ATXN2: variants seen among roughly 807,000 people sequenced by gnomAD.
The protein encoded by ATXN2 is ataxin 2.
Under a neutral mutation model 138.6 loss-of-function variants are expected in ATXN2, and 37 were observed. The observed-to-expected ratio is 0.27, with a 90% CI of 0.21 to 0.35. The LOEUF (loss-of-function observed/expected upper bound fraction) is 0.35, where lower values mean the gene tolerates loss of function less well. Ranked by LOEUF, ATXN2 falls within the 10% of genes least tolerant of loss-of-function variation. The pLI, the probability that ATXN2 is intolerant of heterozygous loss-of-function variation, is 1.00. For missense variants in ATXN2, 1,216 were observed against 1,480.3 expected, an observed-to-expected ratio of 0.82 and a Z score of 2.93; for synonymous variants, 549 against 543.7, an observed-to-expected ratio of 1.01 and a Z score of -0.13.
chr12:111,573,534 T>C (rs867001987), intron 1 of ATXN2, among the ~76,000 whole-genome samples: 1 of 152,316 alleles, frequency 6.6e-6, no homozygotes, highest in East Asian at 1.9e-4. Context: ...CATATCTCTA[T>C]ATTAGAAGCA....
chr12:111,532,340 C>T (rs1401821023), intron 5 of ATXN2, among the ~76,000 whole-genome samples: 3 of 149,638 alleles, frequency 2.0e-5, no homozygotes, highest in African/African-American at 2.5e-5. Flanking sequence ...ATTAGCTAGG[C>T]GTGGTGGTGT....
Position 111,453,254 on chromosome 12 carries a change from C to T in ATXN2, c.3440-414G>A. 1.9e-6 allele frequency: 2 copies of T among 1,063,896 alleles called. No homozygotes were observed. Among genetic ancestry groups the T allele is most frequent in the South Asian group, 7.8e-5 (2 of 25,492 alleles). The allele number at this position is 1,063,896 out of a possible 1,614,324, so 65.9% of individuals were successfully genotyped here. A position where few individuals can be genotyped will look rare whatever the true frequency, so the allele number is the denominator to read the frequency against. On this transcript the variant is annotated intron_variant, in intron 24 of 24. Transcript: ENST00000673436. The surrounding 1 kb of genome is among the most constrained non-coding windows in gnomAD (Gnocchi z 5.4). The stretch of plus-strand genomic sequence containing the variant: ...CTGGGGCTAACGCTACACTCAAAGC[C>T]AGTCCATCCACAGCGCTTTCTCAGC...
chr12:111,574,439 C>T (rs1371596703), intron 1 of ATXN2, among the ~76,000 whole-genome samples: 4 of 148,428 alleles, frequency 2.7e-5, no homozygotes, highest in African/African-American at 7.4e-5. Flanking sequence ...TTTTTTTTGG[C>T]GGTGGGGGGA....
At chr12:111,595,640 CAA>C (rs35562762) in intron 1 of ATXN2, among the ~76,000 whole-genome samples, 11 of 79,536 alleles carry the variant, frequency 1.4e-4, no homozygotes, top group Admixed American at 2.5e-4. Context: ...GACTCTGTCT[CAA>C]AAAAAAAAAA....
chr12:111,599,247 C>T lies in ATXN2; in HGVS notation c.-213G>A, dbSNP rs1885134947. On this transcript the variant is annotated 5_prime_UTR_variant, in exon 1 of 25. Coordinates refer to ENST00000673436, the MANE Select transcript of ATXN2 (RefSeq NM_001372574.1). ...CCGAGACCAAGGAGCCGCCGGGAGC[C>T]GGGCCGAAACGCGCCGCCGCCGTTG... The T allele has an allele frequency of 1.8e-6, 2 of 1,118,074 alleles. No homozygotes were observed. Among genetic ancestry groups the T allele is most frequent in the East Asian group, 5.3e-5 (1 of 18,982 alleles). 69.3% of individuals were successfully genotyped at this position (1,118,074 alleles called of 1,614,324 possible). A position where few individuals can be genotyped will look rare whatever the true frequency, so the allele number is the denominator to read the frequency against.
intron 5 of ATXN2, among the ~76,000 whole-genome samples, chr12:111,535,986 C>T (rs1482465537): frequency 2.2e-5 from 3 of 133,610 alleles, no homozygotes; most frequent in Admixed American, 1.6e-4. Flanking sequence ...GGCGACAGAG[C>T]GAGACTCCGT....
At chr12:111,538,982 G>T (rs558387213) in intron 5 of ATXN2, among the ~76,000 whole-genome samples, 1 of 149,958 alleles carries the variant, frequency 6.7e-6, no homozygotes, top group African/African-American at 2.4e-5. Flanking sequence ...CAGATTCCAC[G>T]TACGTAATAC....
intron 1 of ATXN2, among the ~76,000 whole-genome samples, chr12:111,576,546 C>T (rs542633304): frequency 6.6e-6 from 1 of 152,150 alleles, no homozygotes; most frequent in East Asian, 1.9e-4. Flanking sequence ...TACAGTGGCA[C>T]GATCTCTGCT....
chr12:111,491,069 T>C (rs763827191), intron 14 of ATXN2, among the ~76,000 whole-genome samples: 1 of 152,144 alleles, frequency 6.6e-6, no homozygotes, highest in South Asian at 2.1e-4. Context: ...CTGACCAACA[T>C]GGAGAAACCT....
At chr12:111,562,655 G>A (rs189645043) in intron 1 of ATXN2, among the ~76,000 whole-genome samples, 189 of 148,426 alleles carry the variant, frequency 1.3e-3, no homozygotes, top group Non-Finnish European at 1.5e-3. Flanking sequence ...GGGAGGCAGA[G>A]GTTGCAGTGA....
intron 23 of ATXN2, 137 bp downstream of exon 23, chr12:111,455,892 T>G: frequency 1.2e-6 from 1 of 835,236 alleles, no homozygotes; most frequent in Non-Finnish European, 2.1e-6. Context: ...CCAGATCACG[T>G]GTATTTGAGA....
rs1349759771 is a variant in ATXN2 at position 111,566,438 on chromosome 12, C to CA, written c.252-10520dup. Among the ~76,000 whole-genome samples, 49 of 97,558 alleles carry CA rather than the reference C, an allele frequency of 5.0e-4. No homozygotes were observed. In the East Asian group the frequency reaches 0.021, roughly 41 times the overall value. 64.0% of individuals were successfully genotyped at this position (97,558 alleles called of 152,430 possible). A position where few individuals can be genotyped will look rare whatever the true frequency, so the allele number is the denominator to read the frequency against. On this transcript the variant is annotated intron_variant, in intron 1 of 24. Coordinates refer to ENST00000673436, the MANE Select transcript of ATXN2 (RefSeq NM_001372574.1). ...GACAAGAGCAAAAAAAACTCCATCT[C>CA]AAAAAAAAAGAAAAAAAAAAAAAGA... is the stretch of plus-strand genomic sequence containing the variant.
chr12:111,526,893 C>T (rs1298372201), intron 5 of ATXN2, among the ~76,000 whole-genome samples: 1 of 152,178 alleles, frequency 6.6e-6, no homozygotes, highest in African/African-American at 2.4e-5. Context: ...CCAGAACCCA[C>T]TTCTTCATAT....
intron 18 of ATXN2, among the ~76,000 whole-genome samples, chr12:111,480,464 C>T (rs1877147530): frequency 1.3e-5 from 2 of 152,176 alleles, no homozygotes; most frequent in Non-Finnish European, 2.9e-5. Flanking sequence ...ATCACGAGAT[C>T]AGGAGTTCGA....
At chr12:111,470,296 A>G in intron 19 of ATXN2, 56 bp from the exon 20 acceptor site, 1 of 1,574,200 alleles carries the variant, frequency 6.4e-7, no homozygotes, top group Non-Finnish European at 8.6e-7. Flanking sequence ...AGAGCCAAGC[A>G]GACTTTAGTT....
intron 1 of ATXN2, among the ~76,000 whole-genome samples, chr12:111,596,920 T>C (rs1884966224): frequency 6.6e-6 from 1 of 151,014 alleles, no homozygotes; most frequent in South Asian, 2.1e-4. Context: ...AACCTTAGTT[T>C]TAATGTTTAT....
At chr12:111,595,780 G>A (rs946015737) in intron 1 of ATXN2, among the ~76,000 whole-genome samples, 1 of 151,982 alleles carries the variant, frequency 6.6e-6, no homozygotes, top group African/African-American at 2.4e-5. Context: ...TGATGGTTGG[G>A]GGCAGTGGCT....
chr12:111,522,103 G>A (rs948519008), intron 6 of ATXN2, among the ~76,000 whole-genome samples: 29 of 152,014 alleles, frequency 1.9e-4, no homozygotes, highest in Admixed American at 1.8e-3. Context: ...GTCCTCCTGT[G>A]CTACTCCAGG....
At chr12:111,539,068 GT>G (rs1175381110) in intron 5 of ATXN2, among the ~76,000 whole-genome samples, 1 of 150,256 alleles carries the variant, frequency 6.7e-6, no homozygotes, top group African/African-American at 2.4e-5. Flanking sequence ...CAAAGATACT[GT>G]TTATGGGTGA....
Sources: allele counts gnomAD v4.1 joint callset (sites outside exome capture counted in the v4.1 genomes callset), GRCh38; gene constraint gnomAD v4.1.1; non-coding constraint Gnocchi (gnomAD v3.1); transcripts MANE v1.5; gene names NCBI Gene and HGNC (gene_info 2026-07-23, HGNC 2026-07-21).